The following ATM variants were observed in gnomAD, a reference collection of about 807,000 sequenced individuals.
ATM encodes ATM serine/threonine kinase.
ATM carries 308 observed loss-of-function variants against 387.0 expected under a neutral mutation model. That is an observed-to-expected ratio of 0.80 (90% confidence interval 0.73 to 0.87). ATM has a LOEUF of 0.87. Ranked by LOEUF, ATM falls within the 40% of genes least tolerant of loss-of-function variation. ATM has a pLI of 0.00. For synonymous variants in ATM, 1,156 were observed against 1,187.3 expected (o/e 0.97, Z 0.54); for missense variants, 3,312 against 3,560.9 (o/e 0.93, Z 1.78).
Position 108,256,241 on chromosome 11 carries a change from G to C in ATM, c.2151G>C (p.Arg717=), listed in dbSNP as rs1331738032. 2 of 1,608,348 alleles carry C rather than the reference G, an allele frequency of 1.2e-6. No homozygotes were observed. The highest frequency in any genetic ancestry group is 1.7e-6 in the Non-Finnish European group (2 of 1,176,368). The change falls in exon 14 of 63, where the codon CGG becomes CGC. Residue 717 remains arginine, a synonymous_variant. Transcript: ENST00000675843. ...TTACAAATTCAGAAACTCTTGTCCG[G>C]TGTTCACGTCTTTTGGTGGGTGTCC... ...SEITNSETLV[R]CSRLLVGVLG...
chr11:108,311,152 T>C (rs2084124277), intron 39 of ATM, among the ~76,000 whole-genome samples: 4 of 152,054 alleles, frequency 2.6e-5, no homozygotes, highest in African/African-American at 9.7e-5. Flanking sequence ...AATTTTTATT[T>C]TTAATAGAGA....
At chr11:108,296,110 G>T (rs1309410724) in intron 32 of ATM, 1 of 152,118 alleles carries the variant, frequency 6.6e-6, no homozygotes, top group Admixed American at 6.6e-5. Context: ...TGTGTTATGT[G>T]TGTCTATATA....
chr11:108,329,284 T>C (rs755319376), intron 49 of ATM, 46 bp downstream of exon 49: 1 of 1,507,514 alleles, frequency 6.6e-7, no homozygotes, highest in African/African-American at 1.4e-5. Flanking sequence ...ACCAGTTAAC[T>C]GAGTGAGTGT....
rs371044809 is a variant in ATM, at chr11:108,320,075, A to C, written c.6452+17A>C. ...ATATGCCAGGTATTATGAAAAGACA[A>C]AGTTACTGTATTTTAACATTTAATG... On this transcript the variant is annotated intron_variant, in intron 44 of 62. Transcript: ENST00000675843. The C allele has an allele frequency of 2.0e-6, 3 of 1,518,922 alleles. No individual in the cohort carries two copies. The highest frequency in any genetic ancestry group is 3.4e-5 in the Admixed American group (2 of 59,626). The allele number at this position is 1,518,922 out of a possible 1,614,324, so 94.1% of individuals were successfully genotyped here. A position where few individuals can be genotyped will look rare whatever the true frequency, so the allele number is the denominator to read the frequency against.
rs1800889 is a variant in ATM at position 108,292,760 on chromosome 11, C to T, written c.4578C>T (p.Pro1526=). 70,848 of 1,613,832 alleles carry T rather than the reference C, an allele frequency of 0.044. 1,860 individuals are homozygous for T. The highest frequency in any genetic ancestry group is 0.053 in the Non-Finnish European group (62,614 of 1,179,868). Residue 1526 remains proline (P), a synonymous_variant, in exon 30 of 63, where the codon CCC becomes CCT. Coordinates refer to ENST00000675843, the MANE Select transcript of ATM (RefSeq NM_000051.4). The stretch of plus-strand genomic sequence containing the variant: ...ATGTTATTGTTGGTACACTTATACC[C>T]CTTGTGTATGAGCAGGTGGAGGTTC... ...HLHVIVGTLI[P]LVYEQVEVQK...
Position 108,359,089 on chromosome 11 carries a change from G to T in ATM, c.8850+4215G>T, listed in dbSNP as rs2090392297. On this transcript the variant is annotated intron_variant, in intron 61 of 62. Coordinates refer to ENST00000675843, the MANE Select transcript of ATM (RefSeq NM_000051.4). Reference sequence around the variant, plus strand: ...AGACACACATAGGCTCAAAATAAAAGGATGGAGGAAGATCTACCAAGCAAA... The same window carrying T: ...AGACACACATAGGCTCAAAATAAAATGATGGAGGAAGATCTACCAAGCAAA... 2.0e-5 allele frequency among the ~76,000 whole-genome samples: 3 copies of T among 148,848 alleles called. No homozygotes were observed. In the South Asian group the frequency reaches 6.6e-4, roughly 33 times the overall value.
At position 108,312,515 on chromosome 11, in the gene ATM, C is replaced by G. The variant is rs1218097012; in HGVS notation, c.6006+17C>G. The G allele has an allele frequency of 4.0e-6, 6 of 1,503,536 alleles. No individual in the cohort carries two copies. The highest frequency in any genetic ancestry group is 4.5e-5 in the East Asian group (2 of 44,172). 93.1% of individuals were successfully genotyped at this position (1,503,536 alleles called of 1,614,324 possible). A position where few individuals can be genotyped will look rare whatever the true frequency, so the allele number is the denominator to read the frequency against. ...AGTTTACAGGTAAATATTAGAGGCTCTATTATTTATGACAGTATTTATCTC... is the reference window on the plus strand; with the variant it reads ...AGTTTACAGGTAAATATTAGAGGCTGTATTATTTATGACAGTATTTATCTC... On this transcript the variant is annotated intron_variant, in intron 40 of 62. Transcript: ENST00000675843.
At position 108,252,830 on chromosome 11, in the gene ATM, C is replaced by G. The variant is rs2080227098; in HGVS notation, c.1816C>G (p.Leu606Val). ...PPILHSNFPH[L>V]VLEKILVSLT... ...TTTTCTTTGTAGTAATTTTCCTCAT[C>G]TTGTACTGGAGAAAATTCTTGTGAG... The change falls in exon 12 of 63, where the codon CTT (leucine) becomes GTT (valine). Residue 606 changes from leucine to valine, a missense_variant. This residue lies in a region of ATM where 1,791 missense variants were observed against 1,804.5 expected (regional missense o/e 0.99). Transcript: ENST00000675843. The G allele has an allele frequency of 6.2e-7, 1 of 1,611,212 alleles. No homozygotes were observed. Among genetic ancestry groups the G allele is most frequent in the Non-Finnish European group, 8.5e-7 (1 of 1,177,860 alleles).
chr11:108,294,170 T>C (rs551080530), intron 31 of ATM, among the ~76,000 whole-genome samples: 6 of 152,146 alleles, frequency 3.9e-5, no homozygotes, highest in Non-Finnish European at 7.4e-5. Flanking sequence ...GTCAATTTAA[T>C]GTTTGTGTTA....
At chr11:108,305,302 G>A (rs181350398) in intron 37 of ATM, among the ~76,000 whole-genome samples, 1 of 152,232 alleles carries the variant, frequency 6.6e-6, no homozygotes, top group East Asian at 1.9e-4. Flanking sequence ...GCCTTTGGCC[G>A]GGCACAGTGG....
At chr11:108,259,532 A>G (rs769518994) in intron 16 of ATM, among the ~76,000 whole-genome samples, 3 of 152,172 alleles carry the variant, frequency 2.0e-5, no homozygotes, top group Non-Finnish European at 2.9e-5. Flanking sequence ...GAAATTAAAT[A>G]ATTTGTCTTG....
intron 11 of ATM, among the ~76,000 whole-genome samples, chr11:108,252,585 A>G (rs2080215006): frequency 6.6e-6 from 1 of 152,214 alleles, no homozygotes. Context: ...TATTTCAGAA[A>G]TAATGTTAAA....
chr11:108,328,675 C>A (rs1257646639), intron 48 of ATM, among the ~76,000 whole-genome samples: 1 of 152,178 alleles, frequency 6.6e-6, no homozygotes, highest in Non-Finnish European at 1.5e-5. Context: ...TCAGGGCTGT[C>A]CAATCTTTTG....
Position 108,284,400 on chromosome 11 carries a change from G to A in ATM, c.3920G>A (p.Gly1307Glu), listed in dbSNP as rs2082385270. 6.2e-7 allele frequency: 1 copy of A among 1,613,796 alleles called. No individual in the cohort carries two copies. The highest frequency in any genetic ancestry group is 2.2e-5 in the East Asian group (1 of 44,834). The part of the protein sequence containing the change: ...YFAYEGTRDS[G>E]MAQQRETATK... ...GCCTATGAGGGTACCAGAGACAGTG[G>A]GATGGCACAGCAAAGAGAGACTGCT... is the stretch of plus-strand genomic sequence containing the variant. Residue 1307 changes from glycine (G) to glutamate (E), a missense_variant, in exon 26 of 63, where the codon GGG (glycine) becomes GAG (glutamate). Physicochemically the swap from Gly to Glu is moderately conservative, Grantham distance 98 (BLOSUM62 -2). Around this residue, in one of 4 missense-constraint regions of ATM, gnomAD observed 1,791 missense variants for 1,804.5 expected, o/e 0.99. Coordinates refer to ENST00000675843, the MANE Select transcript of ATM (RefSeq NM_000051.4).
intron 22 of ATM, among the ~76,000 whole-genome samples, chr11:108,279,151 T>A (rs2082092719): frequency 6.6e-6 from 1 of 152,250 alleles, no homozygotes; most frequent in African/African-American, 2.4e-5. Context: ...CATTGGAATC[T>A]GTGGACTCAA....
intron 16 of ATM, among the ~76,000 whole-genome samples, chr11:108,263,564 CAATT>C (rs1360764292): frequency 7.0e-6 from 1 of 142,218 alleles, no homozygotes; most frequent in African/African-American, 2.6e-5. Context: ...CCTAACATCA[CAATT>C]AAAAGAACTA....
At chr11:108,333,288 A>G (rs2086480012) in intron 53 of ATM, among the ~76,000 whole-genome samples, 2 of 152,194 alleles carry the variant, frequency 1.3e-5, no homozygotes, top group South Asian at 2.1e-4. Flanking sequence ...AGGCTTTACC[A>G]TTTCTTCCAT....
rs374866638 is a variant in ATM at position 108,280,992 on chromosome 11, A to C, written c.3403-3A>C. On this transcript the variant is annotated splice_region_variant and splice_polypyrimidine_tract_variant and intron_variant, in intron 23 of 62. Coordinates refer to ENST00000675843, the MANE Select transcript of ATM (RefSeq NM_000051.4). ...TACATTTTTTTTTTAATTTCTTTTT[A>C]AGTCCCATAGTGCTGAGAACCCTGA... 8 of 1,595,802 alleles carry C rather than the reference A, an allele frequency of 5.0e-6. No individual in the cohort carries two copies. The highest frequency in any genetic ancestry group is 6.0e-6 in the Non-Finnish European group (7 of 1,169,804).
intron 1 of ATM, chr11:108,224,935 C>T (rs2078663318): frequency 6.6e-6 from 1 of 152,248 alleles, no homozygotes; most frequent in South Asian, 2.1e-4. Flanking sequence ...TTGTTTGCAT[C>T]TATCAGTGAA....
Sources: gnomAD v4.1 joint callset for allele counts (sites outside exome capture counted in the v4.1 genomes callset) on GRCh38, gnomAD v4.1.1 for gene constraint, gnomAD v4.1.1 regional missense constraint, MANE v1.5 for transcripts, NCBI Gene and HGNC (gene_info 2026-07-23, HGNC 2026-07-21) for gene names.